PKP4: variants seen among roughly 807,000 people sequenced by gnomAD.
PKP4 encodes the protein plakophilin 4, also known as plakophilin-4.
A neutral mutation model predicts 145.1 loss-of-function variants in PKP4; 90 were observed. The observed-to-expected ratio is 0.62, with a 90% CI of 0.52 to 0.74. The LOEUF (loss-of-function observed/expected upper bound fraction) is 0.74, where lower values mean the gene tolerates loss of function less well. Among genes scored for constraint, PKP4 ranks in the 30% least tolerant of loss-of-function variants. The pLI is 0.00. For missense variants in PKP4, 1,340 were observed against 1,482.7 expected (o/e 0.90, Z 1.58); for synonymous variants, 563 against 577.2 (o/e 0.98, Z 0.35).
At chr2:158,631,033 G>A (rs928251961) in intron 7 of PKP4, among the ~76,000 whole-genome samples, 1 of 152,094 alleles carries the variant, frequency 6.6e-6, no homozygotes, top group Non-Finnish European at 1.5e-5. Flanking sequence ...CGCCTTCCGG[G>A]TTCACGCCAT....
rs1362117965 is a variant in PKP4, at chr2:158,566,122, T to TACC, written c.133-11149_133-11148insACC. Among the ~76,000 whole-genome samples, 234 of 152,298 alleles carry TACC rather than the reference T, an allele frequency of 1.5e-3. 4 individuals carry two copies. In the East Asian group the frequency reaches 0.021, roughly 14 times the overall value. On this transcript the variant is annotated intron_variant, in intron 2 of 21. Transcript: ENST00000389759. ...GTCTTAAGAAAAAAATCTTCCTGTG[T>TACC]TAGGTGGTATTTGTTTTCATTCTCA...
At chr2:158,651,326 G>C (rs2055342945) in intron 11 of PKP4, among the ~76,000 whole-genome samples, 1 of 152,048 alleles carries the variant, frequency 6.6e-6, no homozygotes, top group African/African-American at 2.4e-5. Flanking sequence ...ACCACCCTCA[G>C]TTTGCATCTG....
At chr2:158,519,008 G>C (rs2042138567) in intron 1 of PKP4, among the ~76,000 whole-genome samples, 1 of 151,956 alleles carries the variant, frequency 6.6e-6, no homozygotes, top group Admixed American at 6.6e-5. Flanking sequence ...TTTGTTTTCA[G>C]CTCTGGGAAT....
At chr2:158,599,783 A>G (rs2050073034) in intron 3 of PKP4, among the ~76,000 whole-genome samples, 1 of 152,216 alleles carries the variant, frequency 6.6e-6, no homozygotes, top group African/African-American at 2.4e-5. Context: ...GCCTACTGCC[A>G]CCACTGTATC....
chr2:158,490,478 T>C (rs976549127), intron 1 of PKP4, among the ~76,000 whole-genome samples: 4 of 152,228 alleles, frequency 2.6e-5, no homozygotes, highest in African/African-American at 9.6e-5. Context: ...AAAAAGCTTG[T>C]AACAAATTTC....
chr2:158,597,168 T>C (rs1264898208), intron 3 of PKP4, among the ~76,000 whole-genome samples: 2 of 152,214 alleles, frequency 1.3e-5, no homozygotes, highest in South Asian at 2.1e-4. Flanking sequence ...TGGTGCTCAA[T>C]AAATGATCAA....
intron 2 of PKP4, chr2:158,548,795 C>T (rs1559307905): frequency 7.7e-6 from 2 of 259,414 alleles, no homozygotes; most frequent in South Asian, 4.7e-5. Flanking sequence ...AGAAAGCTGC[C>T]AGCAAAGGGA....
At chr2:158,650,365 TA>T (rs1472003716) in intron 11 of PKP4, among the ~76,000 whole-genome samples, 3 of 152,174 alleles carry the variant, frequency 2.0e-5, no homozygotes, top group Non-Finnish European at 4.4e-5. Context: ...CAAGAAGTGG[TA>T]AAATTACCTA....
chr2:158,457,590 C>T lies in PKP4; in HGVS notation c.-6+372C>T, dbSNP rs573913606. The T allele has an allele frequency of 3.3e-5, 5 of 152,904 alleles. No individual in the cohort carries two copies. The South Asian group carries it at 8.2e-4, about 25-fold the overall frequency. The allele number at this position is 152,904 out of a possible 1,614,324, so 9.5% of individuals were successfully genotyped here. A position where few individuals can be genotyped will look rare whatever the true frequency, so the allele number is the denominator to read the frequency against. ...CGCTGAGCCCTGCTGGACGCCCTCG[C>T]GGCGGCTTCCCCGCTGCCTGCCGCC... On this transcript the variant is annotated intron_variant, in intron 1 of 21. Coordinates refer to ENST00000389759, the MANE Select transcript of PKP4 (RefSeq NM_003628.6).
chr2:158,642,613 T>C lies in PKP4; in HGVS notation c.1823T>C (p.Ile608Thr), dbSNP rs374740305. 1 of 1,613,524 alleles carries C rather than the reference T, an allele frequency of 6.2e-7. No individual in the cohort carries two copies. Among genetic ancestry groups the C allele is most frequent in the African/African-American group, 1.3e-5 (1 of 74,908 alleles). The change falls in exon 11 of 22, where the codon ATA (isoleucine) becomes ACA (threonine). Residue 608 changes from isoleucine to threonine, a missense_variant. Transcript: ENST00000389759. The stretch of plus-strand genomic sequence containing the variant: ...GGCAAGTCTACAGATGAAAATAAAA[T>C]AGCAATGAAGAATGTTGGTGGGATA... ...VFGKSTDENK[I>T]AMKNVGGIPA...
intron 1 of PKP4, among the ~76,000 whole-genome samples, chr2:158,496,313 A>G (rs1447521415): frequency 6.6e-6 from 1 of 152,170 alleles, no homozygotes; most frequent in Non-Finnish European, 1.5e-5. Flanking sequence ...TTAAATAAAC[A>G]TTTGATAGTT....
At chr2:158,496,247 CTGGGA>C (rs1428612636) in intron 1 of PKP4, among the ~76,000 whole-genome samples, 6 of 152,150 alleles carry the variant, frequency 3.9e-5, no homozygotes, top group Non-Finnish European at 8.8e-5. Context: ...TCCCAAAATG[CTGGGA>C]TTACAGGCTT....
chr2:158,592,703 T>C (rs1001033458), intron 3 of PKP4, among the ~76,000 whole-genome samples: 1 of 152,108 alleles, frequency 6.6e-6, no homozygotes, highest in African/African-American at 2.4e-5. Context: ...TTTACATGAG[T>C]AGCAAAGAAT....
At chr2:158,630,725 C>T (rs868526474) in intron 7 of PKP4, among the ~76,000 whole-genome samples, 14 of 152,132 alleles carry the variant, frequency 9.2e-5, no homozygotes, top group African/African-American at 2.9e-4. Context: ...CTGGCAGGTC[C>T]GCAGGATAGG....
chr2:158,628,912 G>C (rs945954131), intron 7 of PKP4, among the ~76,000 whole-genome samples: 1 of 152,138 alleles, frequency 6.6e-6, no homozygotes, highest in Admixed American at 6.5e-5. Context: ...TCAGTGTCTT[G>C]CACTGAGTCG....
rs139331912 is a variant in PKP4 at position 158,662,911 on chromosome 2, C to T, written c.2226C>T (p.Cys742=). The change falls in exon 14 of 22, where the codon TGC becomes TGT. Residue 742 remains cysteine (C), a synonymous_variant. Coordinates refer to ENST00000389759, the MANE Select transcript of PKP4 (RefSeq NM_003628.6). ...CTGGGTTTCAGACGGTGGAGAACTG[C>T]GTGTGCACCCTGAGGAACCTGTCCT... The part of the protein sequence containing the change: ...SDYDSKTVEN[C]VCTLRNLSYR... 2.2e-5 allele frequency: 35 copies of T among 1,604,324 alleles called. No individual in the cohort carries two copies. In the African/African-American group the frequency reaches 3.8e-4, roughly 17 times the overall value.
chr2:158,548,203 G>A (rs1322874092), intron 2 of PKP4, among the ~76,000 whole-genome samples: 1 of 151,996 alleles, frequency 6.6e-6, no homozygotes, highest in Non-Finnish European at 1.5e-5. Flanking sequence ...ATCTATTTGA[G>A]GACCAGGATT....
At chr2:158,625,537 C>T (rs2052691910) in intron 7 of PKP4, 110 bp downstream of exon 7, 2 of 895,618 alleles carry the variant, frequency 2.2e-6, no homozygotes, top group Middle Eastern at 3.5e-4. Context: ...TGTTTTTAAT[C>T]TCAGATTTTA....
chr2:158,636,596 GT>G (rs1046029143), intron 9 of PKP4, among the ~76,000 whole-genome samples: 3 of 151,170 alleles, frequency 2.0e-5, no homozygotes, highest in Non-Finnish European at 3.0e-5. Context: ...AATTCTTTAA[GT>G]TTTTTTTTCT....
Sources: allele counts gnomAD v4.1 joint callset (sites outside exome capture counted in the v4.1 genomes callset), GRCh38; gene constraint gnomAD v4.1.1; transcripts MANE v1.5; gene names NCBI Gene and HGNC (gene_info 2026-07-23, HGNC 2026-07-21).